R3HDM1: variants seen among roughly 807,000 people sequenced by gnomAD.
R3HDM1 encodes the protein R3H domain containing 1, also known as R3H domain-containing protein 1.
Under a neutral mutation model 141.1 loss-of-function variants are expected in R3HDM1, and 46 were observed. The ratio of observed to expected loss-of-function variants is 0.33; its 90% CI spans 0.26 to 0.42. The LOEUF (loss-of-function observed/expected upper bound fraction) is 0.42. R3HDM1 is among the 10% of genes least tolerant of loss of function. R3HDM1 has a pLI of 1.00. For synonymous variants in R3HDM1, 435 were observed against 472.9 expected (o/e 0.92, Z 1.04); for missense variants, 1,184 against 1,368.3 (o/e 0.87, Z 2.12).
chr2:135,708,878 G>C (rs948751586), intron 21 of R3HDM1, among the ~76,000 whole-genome samples: 3 of 146,380 alleles, frequency 2.0e-5, no homozygotes, highest in Admixed American at 7.0e-5. Flanking sequence ...AGAATTGCTT[G>C]AAGCCTGGAG....
At chr2:135,631,654 G>T in intron 7 of R3HDM1, 64 bp from the exon 8 acceptor site, 1 of 1,354,114 alleles carries the variant, frequency 7.4e-7, no homozygotes, top group South Asian at 1.5e-5. Flanking sequence ...ATCATAGGCT[G>T]TTGACATTTG....
At chr2:135,605,199 A>C in intron 3 of R3HDM1, 183 bp downstream of exon 3, 1 of 474,964 alleles carries the variant, frequency 2.1e-6, no homozygotes, top group Non-Finnish European at 3.7e-6. Flanking sequence ...GGCTTGTATC[A>C]TGTAATATAC....
intron 1 of R3HDM1, chr2:135,583,843 G>C: frequency 1.0e-6 from 1 of 985,430 alleles, no homozygotes. Flanking sequence ...ATTCGATTTA[G>C]ATAATTAAAT....
intron 2 of R3HDM1, among the ~76,000 whole-genome samples, chr2:135,603,328 A>T (rs1001649129): frequency 6.6e-6 from 1 of 152,152 alleles, no homozygotes; most frequent in Non-Finnish European, 1.5e-5. Flanking sequence ...CTTTCAGGAA[A>T]TGAACTTTTG....
intron 1 of R3HDM1, among the ~76,000 whole-genome samples, chr2:135,594,566 T>A (rs1478792359): frequency 1.3e-5 from 2 of 152,166 alleles, no homozygotes; most frequent in African/African-American, 4.8e-5. Flanking sequence ...GTCACCATTC[T>A]CCACAAGCCC....
chr2:135,599,047 A>G (rs2059414049), intron 1 of R3HDM1, among the ~76,000 whole-genome samples: 2 of 152,218 alleles, frequency 1.3e-5, no homozygotes, highest in African/African-American at 4.8e-5. Flanking sequence ...CCACCCAAAA[A>G]TTATAAAAAG....
chr2:135,582,056 C>A (rs150480884), intron 1 of R3HDM1, among the ~76,000 whole-genome samples: 2 of 152,160 alleles, frequency 1.3e-5, no homozygotes, highest in African/African-American at 4.8e-5. Flanking sequence ...TTCCATCTTG[C>A]TGGGCTCACA....
intron 7 of R3HDM1, among the ~76,000 whole-genome samples, chr2:135,630,310 AAAAAAAAAACGAG>A: frequency 8.4e-6 from 1 of 119,502 alleles, no homozygotes; most frequent in African/African-American, 4.0e-5. Context: ...AAAAAAAAAC[AAAAAAAAAACGAG>A]ATTCTCATAC....
At chr2:135,580,412 A>G (rs1259224493) in intron 1 of R3HDM1, among the ~76,000 whole-genome samples, 1 of 152,202 alleles carries the variant, frequency 6.6e-6, no homozygotes, top group Non-Finnish European at 1.5e-5. Context: ...GAGTCACAAG[A>G]GATACTTGTA....
intron 1 of R3HDM1, among the ~76,000 whole-genome samples, chr2:135,542,407 T>C (rs1282382494): frequency 6.6e-6 from 1 of 152,236 alleles, no homozygotes; most frequent in Non-Finnish European, 1.5e-5. Flanking sequence ...CAAATCCAAG[T>C]TACAGTTTTT....
intron 16 of R3HDM1, 78 bp from the exon 17 acceptor site, chr2:135,649,824 T>G: frequency 1.1e-6 from 1 of 880,340 alleles, no homozygotes; most frequent in Non-Finnish European, 1.5e-6. Context: ...GCCAAAAAAG[T>G]GTAAATTTCC....
chr2:135,654,767 A>G (rs938009748), intron 18 of R3HDM1, among the ~76,000 whole-genome samples: 1 of 151,846 alleles, frequency 6.6e-6, no homozygotes, highest in African/African-American at 2.4e-5. Flanking sequence ...GAATGTTTTC[A>G]TCTTTTGTTT....
intron 1 of R3HDM1, among the ~76,000 whole-genome samples, chr2:135,544,741 A>G (rs1698330240): frequency 6.6e-6 from 1 of 152,236 alleles, no homozygotes; most frequent in Non-Finnish European, 1.5e-5. Context: ...CGGGCAGAAT[A>G]CTTGAGGCCA....
chr2:135,643,196 G>A (rs757366276), intron 15 of R3HDM1, among the ~76,000 whole-genome samples: 15 of 151,924 alleles, frequency 9.9e-5, no homozygotes, highest in Non-Finnish European at 1.6e-4. Context: ...ACATTTGACC[G>A]CCTTCACCCA....
intron 20 of R3HDM1, among the ~76,000 whole-genome samples, chr2:135,676,295 C>T (rs1229546181): frequency 6.6e-6 from 1 of 151,752 alleles, no homozygotes; most frequent in Non-Finnish European, 1.5e-5. Flanking sequence ...CCAGCCTGGG[C>T]AACAGGCAGA....
chr2:135,654,369 G>A (rs1400585919), intron 18 of R3HDM1, among the ~76,000 whole-genome samples: 1 of 151,972 alleles, frequency 6.6e-6, no homozygotes, highest in Admixed American at 6.6e-5. Flanking sequence ...TTAAAAATCT[G>A]TTCACACTAT....
intron 21 of R3HDM1, among the ~76,000 whole-genome samples, chr2:135,696,034 A>G (rs1012415768): frequency 9.2e-5 from 14 of 152,242 alleles, no homozygotes; most frequent in African/African-American, 2.9e-4. Flanking sequence ...CGTTAAACCC[A>G]ATTATTCCAC....
chr2:135,664,263 C>T (rs1318981465), intron 19 of R3HDM1, among the ~76,000 whole-genome samples: 2 of 152,104 alleles, frequency 1.3e-5, no homozygotes, highest in African/African-American at 2.4e-5. Flanking sequence ...CTATCCCAAT[C>T]TGATTAAAAA....
Position 135,616,746 on chromosome 2 carries a change from C to G in R3HDM1, c.292C>G (p.Gln98Glu). 1 of 1,599,728 alleles carries G rather than the reference C, an allele frequency of 6.3e-7. No individual in the cohort carries two copies. Among genetic ancestry groups the G allele is most frequent in the Non-Finnish European group, 8.6e-7 (1 of 1,169,558 alleles). ...ACCACCCCCTGCACCAGAGATATCA[C>G]AGGAGAACCAGGTAAAAAAGCAAAA... ...SPPPPAPEIS[Q>E]ENQEKIQIQL... The change falls in exon 5 of 27, where the codon CAG (glutamine) becomes GAG (glutamate). Residue 98 changes from glutamine (Q) to glutamate (E), a missense_variant. Gln to Glu is a conservative substitution (Grantham distance 29). Transcript: ENST00000683871.
Sources: gnomAD v4.1 joint callset for allele counts (sites outside exome capture counted in the v4.1 genomes callset) on GRCh38, gnomAD v4.1.1 for gene constraint, MANE v1.5 for transcripts, NCBI Gene and HGNC (gene_info 2026-07-23, HGNC 2026-07-21) for gene names.